The following MAGI2 variants were observed in gnomAD, a reference collection of about 807,000 sequenced individuals.
MAGI2 encodes the protein membrane associated guanylate kinase, WW and PDZ domain containing 2.
In MAGI2, 35 loss-of-function variants were observed where a neutral mutation model predicts 133.3. That is an observed-to-expected ratio of 0.26 (90% CI 0.20 to 0.35). The LOEUF is 0.35. Ranked by LOEUF, MAGI2 falls within the 10% of genes least tolerant of loss-of-function variation. The pLI, the probability that MAGI2 is intolerant of heterozygous loss-of-function variation, is 1.00. For missense variants in MAGI2, 1,636 were observed against 1,863.4 expected, an observed-to-expected ratio of 0.88 and a Z score of 2.25; for synonymous variants, 729 against 710.6, an observed-to-expected ratio of 1.03 and a Z score of -0.41.
chr7:79,138,976 C>CAAAAAAA (rs57907314), intron 1 of MAGI2, among the ~76,000 whole-genome samples: 2 of 65,194 alleles, frequency 3.1e-5, no homozygotes, highest in African/African-American at 5.7e-5. Context: ...ACTCTTGTCT[C>CAAAAAAA]AAAAAAAAAA....
chr7:78,482,660 A>G (rs1054734772), intron 6 of MAGI2, among the ~76,000 whole-genome samples: 5 of 151,942 alleles, frequency 3.3e-5, no homozygotes, highest in Non-Finnish European at 5.9e-5. Flanking sequence ...AAAAGTTTAC[A>G]CACATTGTGA....
chr7:79,003,369 T>A (rs892903167), intron 2 of MAGI2, among the ~76,000 whole-genome samples: 2 of 152,180 alleles, frequency 1.3e-5, no homozygotes, highest in African/African-American at 4.8e-5. Context: ...GTGAAAAAAA[T>A]TTATTTACTC....
intron 1 of MAGI2, among the ~76,000 whole-genome samples, chr7:79,442,723 G>A (rs1388645198): frequency 6.6e-6 from 1 of 151,868 alleles, no homozygotes; most frequent in Admixed American, 6.6e-5. Context: ...ATTTTCTTCT[G>A]CTCATTCAGC....
chr7:78,159,154 C>G lies in MAGI2; in HGVS notation c.2845+871G>C, dbSNP rs543959108. 2.6e-5 allele frequency among the ~76,000 whole-genome samples: 4 copies of G among 152,280 alleles called. No individual in the cohort carries two copies. In the East Asian group the frequency reaches 7.7e-4, roughly 29 times the overall value. ...GAGTAATAATAAAACTCTGTCTCCC[C>G]GCACAGCCGGCTCTACGTAAATTAC... On this transcript the variant is annotated intron_variant, in intron 16 of 21. Coordinates refer to ENST00000354212, the MANE Select transcript of MAGI2 (RefSeq NM_012301.4).
At chr7:78,793,887 T>C (rs1456377242) in intron 2 of MAGI2, among the ~76,000 whole-genome samples, 1 of 152,222 alleles carries the variant, frequency 6.6e-6, no homozygotes, top group Non-Finnish European at 1.5e-5. Flanking sequence ...TATCCATTGA[T>C]AGAATCCATG....
intron 2 of MAGI2, among the ~76,000 whole-genome samples, chr7:78,870,621 A>G (rs569206291): frequency 3.9e-5 from 6 of 152,278 alleles, no homozygotes; most frequent in African/African-American, 1.2e-4. Context: ...TAGTACAACC[A>G]CTATGGAAAA....
At chr7:78,773,875 G>A (rs144361144) in intron 2 of MAGI2, among the ~76,000 whole-genome samples, 74 of 152,306 alleles carry the variant, frequency 4.9e-4, no homozygotes, top group Non-Finnish European at 1.0e-3. Context: ...ACAATTACAT[G>A]TTTTACAAAG....
chr7:78,351,956 A>T lies in MAGI2; in HGVS notation c.1104-5913T>A, dbSNP rs575046502. ...TCACATCCAAGCCCCTGCACATCCT[A>T]GGTATGTAACCGTGAGCACATCATT... is the stretch of plus-strand genomic sequence containing the variant. On this transcript the variant is annotated intron_variant, in intron 7 of 21. Transcript: ENST00000354212. The T allele has an allele frequency of 1.1e-4, 16 of 152,290 alleles. 1 individual carries two copies. The highest frequency in any genetic ancestry group is 2.1e-4 in the Non-Finnish European group (14 of 68,022). 9.4% of individuals were successfully genotyped at this position (152,290 alleles called of 1,614,324 possible).
intron 15 of MAGI2, among the ~76,000 whole-genome samples, chr7:78,166,296 T>C (rs540086528): frequency 6.6e-6 from 1 of 152,354 alleles, no homozygotes; most frequent in South Asian, 2.1e-4. Context: ...TATTTCCTTG[T>C]AAATCAGGTA....
At chr7:78,592,343 T>A (rs1804095675) in intron 3 of MAGI2, among the ~76,000 whole-genome samples, 4 of 151,624 alleles carry the variant, frequency 2.6e-5, no homozygotes, top group Admixed American at 2.6e-4. Flanking sequence ...GTAGACTATT[T>A]TTTTTTTTTT....
At chr7:78,141,269 G>A (rs1050822293) in intron 16 of MAGI2, among the ~76,000 whole-genome samples, 9 of 152,102 alleles carry the variant, frequency 5.9e-5, no homozygotes, top group African/African-American at 1.7e-4. Flanking sequence ...GTCACAAAGT[G>A]TTCCCATCTC....
At chr7:78,615,297 A>G (rs1227322225) in intron 3 of MAGI2, 3 of 152,238 alleles carry the variant, frequency 2.0e-5, no homozygotes, top group East Asian at 3.8e-4. Context: ...GTATTCCTAG[A>G]TATCCTTGAA....
chr7:79,338,724 T>A (rs1270573111), intron 1 of MAGI2, among the ~76,000 whole-genome samples: 1 of 152,126 alleles, frequency 6.6e-6, no homozygotes, highest in East Asian at 1.9e-4. Context: ...CCATGTTAAA[T>A]GTTGTAACAT....
At chr7:79,298,559 G>A (rs10257920) in intron 1 of MAGI2, among the ~76,000 whole-genome samples, 2,480 of 151,906 alleles carry the variant, frequency 0.016, 55 homozygotes, top group African/African-American at 0.058. Context: ...TTAATATAGC[G>A]TTCATTAACA....
intron 2 of MAGI2, among the ~76,000 whole-genome samples, chr7:78,779,194 C>T (rs1014841701): frequency 6.6e-6 from 1 of 152,170 alleles, no homozygotes; most frequent in East Asian, 1.9e-4. Flanking sequence ...GCGTAAGCCA[C>T]CACACTGAGC....
chr7:78,835,129 A>G (rs996841879), intron 2 of MAGI2, among the ~76,000 whole-genome samples: 2 of 152,176 alleles, frequency 1.3e-5, no homozygotes, highest in Non-Finnish European at 2.9e-5. Flanking sequence ...TAGTAACTCT[A>G]TGTTTAACTT....
At chr7:79,362,421 G>T (rs1221469852) in intron 1 of MAGI2, among the ~76,000 whole-genome samples, 1 of 151,936 alleles carries the variant, frequency 6.6e-6, no homozygotes, top group South Asian at 2.1e-4. Context: ...TTTCACTTGA[G>T]AATTTTACTA....
At chr7:79,179,825 G>GA (rs1317027455) in intron 1 of MAGI2, among the ~76,000 whole-genome samples, 15 of 151,842 alleles carry the variant, frequency 9.9e-5, no homozygotes, top group Non-Finnish European at 1.6e-4. Context: ...AAGACAACTG[G>GA]AAAAAAATCA....
Position 78,201,147 on chromosome 7 carries a change from A to G in MAGI2, c.2079+15T>C, listed in dbSNP as rs1427254048. On this transcript the variant is annotated intron_variant, in intron 11 of 21. Transcript: ENST00000354212. ...AAGTAGAAATAAAGAAAGAAGCATA[A>G]TAATTCCAACTTACAGGCTTTGGAG... The G allele has an allele frequency of 1.1e-5, 16 of 1,468,322 alleles. No individual in the cohort carries two copies. In the South Asian group the frequency reaches 1.7e-4, roughly 16 times the overall value. The allele number at this position is 1,468,322 out of a possible 1,614,324, so 91.0% of individuals were successfully genotyped here.
Sources: gnomAD v4.1 joint callset for allele counts (sites outside exome capture counted in the v4.1 genomes callset) on GRCh38, gnomAD v4.1.1 for gene constraint, MANE v1.5 for transcripts, NCBI Gene and HGNC (gene_info 2026-07-23, HGNC 2026-07-21) for gene names.